Variants in ERGIC1 observed in about 807,000 individuals in gnomAD.
ERGIC1 encodes the protein endoplasmic reticulum-golgi intermediate compartment 1, also known as endoplasmic reticulum-Golgi intermediate compartment protein 1.
Under a neutral mutation model 38.3 loss-of-function variants are expected in ERGIC1, and 19 were observed. The ratio of observed to expected loss-of-function variants is 0.50; its 90% CI spans 0.35 to 0.73. The LOEUF is 0.73. Ranked by LOEUF, ERGIC1 falls within the 30% of genes least tolerant of loss-of-function variation. The pLI, the probability that ERGIC1 is intolerant of heterozygous loss-of-function variation, is 0.01. For missense variants in ERGIC1, 294 were observed against 389.2 expected, an observed-to-expected ratio of 0.76 and a Z score of 2.06; for synonymous variants, 124 against 157.6, an observed-to-expected ratio of 0.79 and a Z score of 1.60.
chr5:172,854,055 A>G (rs1295357997), intron 1 of ERGIC1, among the ~76,000 whole-genome samples: 3 of 152,188 alleles, frequency 2.0e-5, no homozygotes, highest in Non-Finnish European at 4.4e-5. Flanking sequence ...CAGGATGGTG[A>G]ATCAGGGTTG....
At chr5:172,881,139 C>T (rs958377927) in intron 1 of ERGIC1, among the ~76,000 whole-genome samples, 19 of 151,990 alleles carry the variant, frequency 1.3e-4, no homozygotes, top group African/African-American at 2.9e-4. Flanking sequence ...CCCAGCTACT[C>T]GGGAGGCTGA....
intron 5 of ERGIC1, chr5:172,915,733 G>C (rs550313006): frequency 4.6e-6 from 2 of 437,148 alleles, no homozygotes. Flanking sequence ...TCTTGCCCGA[G>C]GTCACACAGC....
At chr5:172,839,590 CACACATACACACACAT>C (rs1452146121) in intron 1 of ERGIC1, among the ~76,000 whole-genome samples, 218 of 151,880 alleles carry the variant, frequency 1.4e-3, no homozygotes, top group African/African-American at 4.6e-3. Flanking sequence ...TACACACACA[CACACATACACACACAT>C]ACACATACAC....
chr5:172,852,423 C>T (rs1054020373), intron 1 of ERGIC1, among the ~76,000 whole-genome samples: 10 of 151,826 alleles, frequency 6.6e-5, no homozygotes, highest in African/African-American at 2.4e-4. Flanking sequence ...TTCCTGCTGA[C>T]AGTGGATGCC....
chr5:172,947,119 G>C (rs993198150), intron 9 of ERGIC1, among the ~76,000 whole-genome samples: 2 of 151,584 alleles, frequency 1.3e-5, no homozygotes, highest in Non-Finnish European at 2.9e-5. Context: ...AGGAGTGGAG[G>C]TTGCAGTGAG....
intron 1 of ERGIC1, among the ~76,000 whole-genome samples, chr5:172,873,177 G>C (rs1253650082): frequency 6.6e-6 from 1 of 152,218 alleles, no homozygotes; most frequent in Non-Finnish European, 1.5e-5. Context: ...GCCCCTCTAA[G>C]AATACATTTC....
In ERGIC1 at chr5:172,847,618, A is replaced by G. The variant is rs375720756; in HGVS notation, c.20+13185A>G. Among the ~76,000 whole-genome samples the G allele has an allele frequency of 2.3e-4, 35 of 152,140 alleles. No homozygotes were observed. The South Asian group carries it at 7.3e-3, about 32-fold the overall frequency. The stretch of plus-strand genomic sequence containing the variant: ...AACCTCTGCCTCCCGGGTTCAAGTG[A>G]TTCTTCTGCCTCAGCCTCCCAAGTT... On this transcript the variant is annotated intron_variant, in intron 1 of 9. Transcript: ENST00000393784.
rs1763662279 is a variant in ERGIC1 at position 172,926,832 on chromosome 5, T to C, written c.541+263T>C. ...CAGTGGATACCAGCTATTACCATTA[T>C]TGTTGCTCTCATCACAGCCACATCA... is the stretch of plus-strand genomic sequence containing the variant. On this transcript the variant is annotated intron_variant, in intron 7 of 9. Transcript: ENST00000393784. The surrounding 1 kb of genome is among the most constrained non-coding windows in gnomAD (Gnocchi z 5.2). 9.8e-6 allele frequency: 5 copies of C among 509,352 alleles called. No homozygotes were observed. In the Admixed American group the frequency reaches 9.9e-5, roughly 10 times the overall value. The allele number at this position is 509,352 out of a possible 1,614,324, so 31.6% of individuals were successfully genotyped here. A position where few individuals can be genotyped will look rare whatever the true frequency, so the allele number is the denominator to read the frequency against.
At chr5:172,861,080 T>TG (rs1761686829) in intron 1 of ERGIC1, among the ~76,000 whole-genome samples, 1 of 151,916 alleles carries the variant, frequency 6.6e-6, no homozygotes, top group South Asian at 2.1e-4. Flanking sequence ...GCAGGGCCTG[T>TG]GGGATGTGTC....
At chr5:172,893,334 G>C (rs917137721) in intron 2 of ERGIC1, among the ~76,000 whole-genome samples, 2 of 152,108 alleles carry the variant, frequency 1.3e-5, no homozygotes, top group South Asian at 4.1e-4. Flanking sequence ...TTTTAGTAGA[G>C]ATGGGTTTTC....
intron 1 of ERGIC1, among the ~76,000 whole-genome samples, chr5:172,866,328 C>G (rs1761860892): frequency 6.6e-6 from 1 of 152,156 alleles, no homozygotes; most frequent in Admixed American, 6.5e-5. Flanking sequence ...GTGGGGGCCC[C>G]TGCCGCTGCC....
At chr5:172,886,124 G>A (rs958027968) in intron 1 of ERGIC1, among the ~76,000 whole-genome samples, 4 of 151,622 alleles carry the variant, frequency 2.6e-5, no homozygotes, top group Admixed American at 6.6e-5. Context: ...ACCGCCCGCC[G>A]GCCCCCATCG....
chr5:172,935,075 C>T (rs1763858028), intron 8 of ERGIC1, 113 bp from the exon 9 acceptor site: 3 of 1,495,910 alleles, frequency 2.0e-6, no homozygotes, highest in East Asian at 2.3e-5. Context: ...CTTCGTGGGG[C>T]AGAGAGGGAG....
intron 3 of ERGIC1, chr5:172,906,201 A>G (rs1763018652): frequency 2.2e-6 from 1 of 455,490 alleles, no homozygotes; most frequent in Non-Finnish European, 4.4e-6. Context: ...CCCCTCTCCC[A>G]TCCTAAGGCT....
chr5:172,890,495 T>C (rs1260903789), intron 2 of ERGIC1, among the ~76,000 whole-genome samples: 2 of 152,242 alleles, frequency 1.3e-5, no homozygotes, highest in Non-Finnish European at 2.9e-5. Flanking sequence ...AAATGTAAGA[T>C]GCTAACATAA....
intron 1 of ERGIC1, among the ~76,000 whole-genome samples, chr5:172,883,255 C>T (rs1453828249): frequency 6.6e-6 from 1 of 152,204 alleles, no homozygotes; most frequent in East Asian, 1.9e-4. Context: ...TAACATCTTA[C>T]ATAATCACAA....
chr5:172,899,585 C>T (rs562306806), intron 3 of ERGIC1, among the ~76,000 whole-genome samples: 1 of 152,134 alleles, frequency 6.6e-6, no homozygotes, highest in East Asian at 1.9e-4. Flanking sequence ...TAATCCCAGG[C>T]TGGGATTACA....
chr5:172,938,688 C>T (rs376809606), intron 9 of ERGIC1, among the ~76,000 whole-genome samples: 9 of 149,888 alleles, frequency 6.0e-5, no homozygotes, highest in Non-Finnish European at 1.2e-4. Flanking sequence ...AGAAGGCGGA[C>T]GTTGCAGTGA....
At chr5:172,925,541 G>C (rs565592815) in intron 6 of ERGIC1, among the ~76,000 whole-genome samples, 1 of 152,112 alleles carries the variant, frequency 6.6e-6, no homozygotes, top group Non-Finnish European at 1.5e-5. Context: ...ATGCCACCCC[G>C]CTGCTGCCCA....
Sources: gnomAD v4.1 joint callset for allele counts (sites outside exome capture counted in the v4.1 genomes callset) on GRCh38, gnomAD v4.1.1 for gene constraint, Gnocchi (gnomAD v3.1) non-coding constraint, MANE v1.5 for transcripts, NCBI Gene and HGNC (gene_info 2026-07-23, HGNC 2026-07-21) for gene names.